Variants in EFR3B observed in about 807,000 individuals in gnomAD.
EFR3B encodes the protein protein EFR3 homolog B.
EFR3B carries 64 observed loss-of-function variants against 104.7 expected under a neutral mutation model. The ratio of observed to expected loss-of-function variants is 0.61; its 90% CI spans 0.50 to 0.75. The LOEUF is 0.75. Among genes scored for constraint, EFR3B ranks in the 30% least tolerant of loss-of-function variants. The pLI is 0.00. For synonymous variants in EFR3B, 385 were observed against 417.9 expected, an observed-to-expected ratio of 0.92 and a Z score of 0.96; for missense variants, 750 against 1,078.5, an observed-to-expected ratio of 0.70 and a Z score of 4.27.
rs1670530251 is a variant in EFR3B at position 25,136,850 on chromosome 2, A to G, written c.1560+252A>G. Among the ~76,000 whole-genome samples the G allele has an allele frequency of 6.6e-6, 1 of 152,158 alleles. No individual in the cohort carries two copies. The highest frequency in any genetic ancestry group is 2.1e-4 in the South Asian group (1 of 4,832). On this transcript the variant is annotated intron_variant, in intron 14 of 22. Coordinates refer to ENST00000403714, the MANE Select transcript of EFR3B (RefSeq NM_014971.2). This position sits in a 1 kb window ranked among gnomAD's most constrained non-coding sequence, Gnocchi z 4.0. ...AGAATCGCTTGAACCCAGAAGGTGGAGGTTGCAGTGAACCGAGATTGTGCC... is the reference window on the plus strand; with the variant it reads ...AGAATCGCTTGAACCCAGAAGGTGGGGGTTGCAGTGAACCGAGATTGTGCC...
intron 6 of EFR3B, 118 bp downstream of exon 6, chr2:25,128,450 T>C: frequency 3.7e-6 from 5 of 1,349,364 alleles, no homozygotes; most frequent in Non-Finnish European, 4.0e-6. Flanking sequence ...GGACATGGCT[T>C]TGTGGCTTGT....
chr2:25,079,141 G>A (rs1226958446), intron 1 of EFR3B, among the ~76,000 whole-genome samples: 1 of 152,190 alleles, frequency 6.6e-6, no homozygotes, highest in Non-Finnish European at 1.5e-5. Context: ...TAAGTTGAAT[G>A]GTTGACATTT....
rs543177302 is a variant in EFR3B, at chr2:25,059,484, C to G, written c.7+17165C>G. 1.1e-3 allele frequency among the ~76,000 whole-genome samples: 155 copies of G among 145,206 alleles called. 1 individual carries two copies. Among genetic ancestry groups the G allele is most frequent in the African/African-American group, 3.9e-3 (152 of 39,148 alleles). On this transcript the variant is annotated intron_variant, in intron 1 of 22. Coordinates refer to ENST00000403714, the MANE Select transcript of EFR3B (RefSeq NM_014971.2). ...TGGAAATAAGCCAGTCACACAAGGA[C>G]AAGTAGTATATGATTCCAGTAGTAT...
chr2:25,069,905 G>A (rs1183951900), intron 1 of EFR3B, among the ~76,000 whole-genome samples: 2 of 152,168 alleles, frequency 1.3e-5, no homozygotes, highest in East Asian at 3.8e-4. Context: ...CACCGTGTTA[G>A]CCAGGATGGT....
intron 1 of EFR3B, among the ~76,000 whole-genome samples, chr2:25,073,360 CTT>C (rs33951017): frequency 9.2e-5 from 13 of 140,856 alleles, no homozygotes; most frequent in Non-Finnish European, 1.1e-4. Context: ...CTATTTAATA[CTT>C]TTTTTTTTTT....
At chr2:25,128,111 C>T in intron 5 of EFR3B, 72 bp from the exon 6 acceptor site, 2 of 1,523,352 alleles carry the variant, frequency 1.3e-6, no homozygotes, top group Non-Finnish European at 8.9e-7. Flanking sequence ...CTGTGCTCTT[C>T]TCTTAGCCAC....
chr2:25,079,999 C>A, intron 1 of EFR3B: 2 of 992,770 alleles, frequency 2.0e-6, no homozygotes, highest in South Asian at 1.3e-5. Flanking sequence ...TCCTCCAAGT[C>A]GTCACAAGCA....
rs112376405 is a variant in EFR3B at position 25,061,967 on chromosome 2, A to T, written c.7+19648A>T. Among the ~76,000 whole-genome samples the T allele has an allele frequency of 3.9e-4, 60 of 152,054 alleles. 1 individual carries two copies. Among genetic ancestry groups the T allele is most frequent in the African/African-American group, 1.4e-3 (59 of 41,492 alleles). On this transcript the variant is annotated intron_variant, in intron 1 of 22. Coordinates refer to ENST00000403714, the MANE Select transcript of EFR3B (RefSeq NM_014971.2). ...TTTTAATTTATTTTTACTTTATTTT[A>T]TTTTTTTTAGTGCTCTTTGAGGAGC...
At chr2:25,092,639 C>T (rs1337209478) in intron 2 of EFR3B, among the ~76,000 whole-genome samples, 2 of 151,448 alleles carry the variant, frequency 1.3e-5, no homozygotes, top group East Asian at 3.9e-4. Flanking sequence ...ACCTCCGCTC[C>T]CCGGGTTCAA....
intron 16 of EFR3B, among the ~76,000 whole-genome samples, chr2:25,140,590 G>A (rs1000264932): frequency 5.3e-5 from 8 of 152,098 alleles, no homozygotes; most frequent in Non-Finnish European, 8.8e-5. Context: ...TACCACCTTA[G>A]TAACTTGCAC....
At chr2:25,085,266 T>A (rs1331700587) in intron 1 of EFR3B, among the ~76,000 whole-genome samples, 4 of 152,220 alleles carry the variant, frequency 2.6e-5, no homozygotes, top group African/African-American at 4.8e-5. Flanking sequence ...AAAGGTCAGA[T>A]GACAGAATTG....
rs556873263 is a variant in EFR3B, at chr2:25,136,772, C to T, written c.1560+174C>T. Among the ~76,000 whole-genome samples, 24 of 152,284 alleles carry T rather than the reference C, an allele frequency of 1.6e-4. No individual in the cohort carries two copies. Among genetic ancestry groups the T allele is most frequent in the Non-Finnish European group, 2.5e-4 (17 of 68,010 alleles). On this transcript the variant is annotated intron_variant, in intron 14 of 22. Coordinates refer to ENST00000403714, the MANE Select transcript of EFR3B (RefSeq NM_014971.2). The surrounding 1 kb of genome is among the most constrained non-coding windows in gnomAD (Gnocchi z 4.0). ...CTTTACTAAAGCTACAAAAATTAAC[C>T]GGGCATGGTGGTGGGCACCTGCAAT...
chr2:25,074,691 C>T (rs949160497), intron 1 of EFR3B, among the ~76,000 whole-genome samples: 1 of 149,714 alleles, frequency 6.7e-6, no homozygotes, highest in Admixed American at 6.6e-5. Flanking sequence ...GATCTCGGCT[C>T]ACTGCAACCT....
At chr2:25,122,558 G>A (rs1467100726) in intron 5 of EFR3B, among the ~76,000 whole-genome samples, 4 of 151,898 alleles carry the variant, frequency 2.6e-5, no homozygotes, top group African/African-American at 9.7e-5. Context: ...CTGCTTGCTC[G>A]TTCCCCTCCA....
intron 5 of EFR3B, among the ~76,000 whole-genome samples, chr2:25,126,532 G>C (rs913184515): frequency 7.2e-5 from 11 of 152,088 alleles, no homozygotes; most frequent in Admixed American, 7.2e-4. Context: ...GCTAATTTTT[G>C]TATTGTTAGT....
At chr2:25,077,197 A>T (rs1668652538) in intron 1 of EFR3B, among the ~76,000 whole-genome samples, 1 of 152,252 alleles carries the variant, frequency 6.6e-6, no homozygotes, top group African/African-American at 2.4e-5. Flanking sequence ...GTCACTCAGA[A>T]TAATGAAAAA....
intron 1 of EFR3B, chr2:25,080,023 C>A: frequency 1.1e-6 from 1 of 901,526 alleles, no homozygotes; most frequent in Non-Finnish European, 1.9e-6. Context: ...ATTTTAAGCC[C>A]ACTGTCTGCT....
intron 4 of EFR3B, among the ~76,000 whole-genome samples, chr2:25,113,347 A>G (rs1328404575): frequency 1.3e-5 from 2 of 152,194 alleles, no homozygotes; most frequent in Non-Finnish European, 2.9e-5. Flanking sequence ...TCTCAGTTGT[A>G]GGGGTGAAAC....
rs1033293102 is a variant in EFR3B, at chr2:25,148,788, G to C, written c.2143-906G>C. The stretch of plus-strand genomic sequence containing the variant: ...ATACAAAAAATTAGCCGGGCGTAGT[G>C]GTGGGCGCCTGTAGTCCCAGCTACT... On this transcript the variant is annotated intron_variant, in intron 19 of 22. Transcript: ENST00000403714. Among the ~76,000 whole-genome samples the C allele has an allele frequency of 1.3e-5, 2 of 151,316 alleles. 1 individual carries two copies. Among genetic ancestry groups the C allele is most frequent in the South Asian group, 4.2e-4 (2 of 4,764 alleles).
Sources: allele counts gnomAD v4.1 joint callset (sites outside exome capture counted in the v4.1 genomes callset), GRCh38; gene constraint gnomAD v4.1.1; non-coding constraint Gnocchi (gnomAD v3.1); transcripts MANE v1.5; gene names NCBI Gene and HGNC (gene_info 2026-07-23, HGNC 2026-07-21).